NDUFA10: variants seen among roughly 807,000 people sequenced by gnomAD.
NDUFA10 encodes NADH:ubiquinone oxidoreductase subunit A10.
In NDUFA10, 40 loss-of-function variants were observed where a neutral mutation model predicts 47.8. The observed-to-expected ratio is 0.84, with a 90% confidence interval of 0.65 to 1.09. NDUFA10 has a LOEUF of 1.09. NDUFA10 is among the 50% of genes least tolerant of loss of function. The probability of loss-of-function intolerance (pLI) is 0.00; values close to 1 mark genes in which losing one functional copy is unlikely to be tolerated. For synonymous variants in NDUFA10, 183 were observed against 172.2 expected (o/e 1.06, Z -0.49); for missense variants, 413 against 451.1 (o/e 0.92, Z 0.76).
chr2:239,904,626 G>A (rs115450165), intron 4 of NDUFA10, among the ~76,000 whole-genome samples: 1 of 152,194 alleles, frequency 6.6e-6, no homozygotes, highest in Non-Finnish European at 1.5e-5. Context: ...AGGCGCCCTA[G>A]AGACTGCAGG....
At chr2:239,940,980 T>C (rs1694351275) in intron 4 of NDUFA10, among the ~76,000 whole-genome samples, 1 of 152,232 alleles carries the variant, frequency 6.6e-6, no homozygotes, top group Non-Finnish European at 1.5e-5. Context: ...ACAGATATTC[T>C]TCTCCATGTG....
At chr2:240,002,906 G>A (rs1266099587) in intron 8 of NDUFA10, among the ~76,000 whole-genome samples, 4 of 152,058 alleles carry the variant, frequency 2.6e-5, no homozygotes, top group South Asian at 2.1e-4. Context: ...CTGGAGTACC[G>A]TGGCGTGAAC....
chr2:239,933,331 G>A (rs1694208873), intron 4 of NDUFA10, among the ~76,000 whole-genome samples: 1 of 152,068 alleles, frequency 6.6e-6, no homozygotes, highest in African/African-American at 2.4e-5. Flanking sequence ...TACCCTTCAG[G>A]AGTTCCCTGT....
chr2:239,941,105 C>T (rs1694353283), intron 4 of NDUFA10, among the ~76,000 whole-genome samples: 1 of 152,234 alleles, frequency 6.6e-6, no homozygotes, highest in African/African-American at 2.4e-5. Flanking sequence ...AAGCCAGATG[C>T]ACCCACGGCA....
intron 9 of NDUFA10, among the ~76,000 whole-genome samples, chr2:239,963,813 C>A (rs774641252): frequency 1.3e-5 from 2 of 152,200 alleles, no homozygotes; most frequent in Non-Finnish European, 2.9e-5. Flanking sequence ...AAGAGCAGCA[C>A]TGCATGGCTG....
chr2:239,918,931 C>G (rs1412517442), intron 4 of NDUFA10, among the ~76,000 whole-genome samples: 1 of 152,216 alleles, frequency 6.6e-6, no homozygotes, highest in African/African-American at 2.4e-5. Context: ...GTCCAGTGTC[C>G]ATCTTCCCAT....
intron 4 of NDUFA10, among the ~76,000 whole-genome samples, chr2:239,938,813 C>T (rs936076458): frequency 3.9e-5 from 6 of 152,188 alleles, no homozygotes; most frequent in Admixed American, 6.5e-5. Flanking sequence ...GAGAAGACGG[C>T]GCAGCGAATG....
chr2:239,893,956 G>C (rs1693343595), intron 5 of NDUFA10, among the ~76,000 whole-genome samples: 1 of 141,878 alleles, frequency 7.0e-6, no homozygotes. Flanking sequence ...CCCGTCCTCA[G>C]CTCCATCCCA....
chr2:239,937,719 T>A (rs1694288329), intron 4 of NDUFA10, among the ~76,000 whole-genome samples: 1 of 152,228 alleles, frequency 6.6e-6, no homozygotes, highest in Non-Finnish European at 1.5e-5. Context: ...TCTACTCATT[T>A]ATTTTTTGAG....
chr2:240,005,276 T>C lies in NDUFA10; in HGVS notation c.824A>G (p.Tyr275Cys), dbSNP rs1411204458. Reference protein sequence around the residue: ...DSKKVVEDIEYLKFDKGPWLK... With the variant: ...DSKKVVEDIECLKFDKGPWLK... ...CCACGGCCCTTTATCGAACTTCAGG[T>C]ATTCAATGTCCTCTACCACCTAAGA... Residue 275 changes from tyrosine to cysteine, a missense_variant, in exon 8 of 10, where the codon TAC (tyrosine) becomes TGC (cysteine). Transcript: ENST00000252711. 1.2e-6 allele frequency: 2 copies of C among 1,614,012 alleles called. No homozygotes were observed. Among genetic ancestry groups the C allele is most frequent in the Non-Finnish European group, 1.7e-6 (2 of 1,179,896 alleles).
intron 8 of NDUFA10, 89 bp downstream of exon 8, chr2:240,005,121 T>C (rs1696892666): frequency 8.2e-7 from 1 of 1,216,296 alleles, no homozygotes; most frequent in African/African-American, 1.5e-5. Flanking sequence ...ACACCTAACT[T>C]GAAACATAAT....
intron 9 of NDUFA10, among the ~76,000 whole-genome samples, chr2:239,963,754 A>G (rs191435775): frequency 1.3e-5 from 2 of 152,274 alleles, no homozygotes; most frequent in Non-Finnish European, 2.9e-5. Context: ...TGAGGGAGGC[A>G]GCGCCATGTG....
At chr2:240,006,760 T>A (rs1256283642) in intron 7 of NDUFA10, among the ~76,000 whole-genome samples, 1 of 152,264 alleles carries the variant, frequency 6.6e-6, no homozygotes, top group Non-Finnish European at 1.5e-5. Flanking sequence ...GGTGCATACA[T>A]GTTTCTGGAC....
At chr2:239,929,926 G>C (rs75279924) in intron 4 of NDUFA10, among the ~76,000 whole-genome samples, 14,453 of 138,594 alleles carry the variant, frequency 0.1, 900 homozygotes, top group Non-Finnish European at 0.12. Context: ...CACTGCCCCT[G>C]CTCCTCCACT....
chr2:239,949,195 G>C (rs1348627643), intron 4 of NDUFA10, among the ~76,000 whole-genome samples: 1 of 152,210 alleles, frequency 6.6e-6, no homozygotes, highest in Non-Finnish European at 1.5e-5. Context: ...ACACTGATAC[G>C]GATAGGAGCT....
At chr2:240,004,697 C>CACCA (rs1434253831) in intron 8 of NDUFA10, among the ~76,000 whole-genome samples, 1 of 149,922 alleles carries the variant, frequency 6.7e-6, no homozygotes, top group Non-Finnish European at 1.5e-5. Context: ...CGCACCTTCC[C>CACCA]ACCACACTCC....
intron 9 of NDUFA10, among the ~76,000 whole-genome samples, chr2:239,985,225 T>C (rs1574849187): frequency 6.6e-6 from 1 of 152,326 alleles, no homozygotes; most frequent in East Asian, 1.9e-4. Flanking sequence ...AAGACACAGA[T>C]ACTGCAATTA....
chr2:239,976,739 C>G (rs1274522975), intron 9 of NDUFA10, among the ~76,000 whole-genome samples: 1 of 152,130 alleles, frequency 6.6e-6, no homozygotes, highest in African/African-American at 2.4e-5. Flanking sequence ...CAAGGAGGAG[C>G]CACAGCAGAA....
intron 4 of NDUFA10, among the ~76,000 whole-genome samples, chr2:239,943,920 C>T (rs966065822): frequency 1.3e-5 from 2 of 152,162 alleles, no homozygotes; most frequent in Non-Finnish European, 2.9e-5. Flanking sequence ...CATGGGGCAG[C>T]GTCTGTCCCT....
Sources: allele counts gnomAD v4.1 joint callset (sites outside exome capture counted in the v4.1 genomes callset), GRCh38; gene constraint gnomAD v4.1.1; transcripts MANE v1.5; gene names NCBI Gene and HGNC (gene_info 2026-07-23, HGNC 2026-07-21).